Variants in CADPS2 observed in about 807,000 individuals in gnomAD.
The protein encoded by CADPS2 is calcium dependent secretion activator 2.
Under a neutral mutation model 172.5 loss-of-function variants are expected in CADPS2, and 93 were observed. That is an observed-to-expected ratio of 0.54 (90% CI 0.46 to 0.64). CADPS2 has a LOEUF of 0.64. Among genes scored for constraint, CADPS2 ranks in the 30% least tolerant of loss-of-function variants. CADPS2 has a pLI of 0.00. For missense variants in CADPS2, 1,420 were observed against 1,565.9 expected (o/e 0.91, Z 1.57); for synonymous variants, 546 against 555.2 (o/e 0.98, Z 0.23).
intron 22 of CADPS2, among the ~76,000 whole-genome samples, chr7:122,389,021 C>T (rs2044041005): frequency 6.6e-6 from 1 of 151,990 alleles, no homozygotes; most frequent in South Asian, 2.1e-4. Context: ...ATATTGTGTA[C>T]ATAAGAACAA....
At chr7:122,821,481 T>C (rs969632588) in intron 1 of CADPS2, among the ~76,000 whole-genome samples, 16 of 152,196 alleles carry the variant, frequency 1.1e-4, no homozygotes, top group Non-Finnish European at 2.2e-4. Context: ...AAATTAGCTT[T>C]ACTCAACATG....
At chr7:122,760,569 A>G (rs2093343642) in intron 1 of CADPS2, among the ~76,000 whole-genome samples, 1 of 152,076 alleles carries the variant, frequency 6.6e-6, no homozygotes, top group Non-Finnish European at 1.5e-5. Flanking sequence ...TTAATACCAA[A>G]GAATCCTTGA....
At chr7:122,665,999 T>C (rs2081154164) in intron 2 of CADPS2, among the ~76,000 whole-genome samples, 1 of 152,092 alleles carries the variant, frequency 6.6e-6, no homozygotes, top group Admixed American at 6.6e-5. Flanking sequence ...CAAGAGCTAC[T>C]TCAGAACTCA....
rs569921940 is a variant in CADPS2, at chr7:122,586,866, T to C, written c.1224-5576A>G. Among the ~76,000 whole-genome samples the C allele has an allele frequency of 4.6e-5, 7 of 152,128 alleles. 1 individual carries two copies. The highest frequency in any genetic ancestry group is 1.7e-4 in the African/African-American group (7 of 41,544). ...GAAAGTTATGGTTAAACTCTAATCA[T>C]TTTTCAAATGATTTCATTTCCAATA... On this transcript the variant is annotated intron_variant, in intron 6 of 29. Transcript: ENST00000449022.
intron 22 of CADPS2, among the ~76,000 whole-genome samples, chr7:122,389,223 A>G (rs1431456152): frequency 6.6e-6 from 1 of 152,038 alleles, no homozygotes; most frequent in African/African-American, 2.4e-5. Context: ...GAATTTCTCA[A>G]TTACAGGTAA....
chr7:122,842,295 G>A (rs1363152958), intron 1 of CADPS2, among the ~76,000 whole-genome samples: 1 of 152,182 alleles, frequency 6.6e-6, no homozygotes, highest in Non-Finnish European at 1.5e-5. Context: ...CAGGACGGAG[G>A]AGGGTGGAAA....
intron 1 of CADPS2, among the ~76,000 whole-genome samples, chr7:122,858,660 T>C (rs932714999): frequency 6.6e-6 from 1 of 152,188 alleles, no homozygotes; most frequent in Non-Finnish European, 1.5e-5. Context: ...TCTCAGAACC[T>C]GATAAAAGCA....
rs2048716031 is a variant in CADPS2 at position 122,423,012 on chromosome 7, CT to C, written c.2477-6849del. Among the ~76,000 whole-genome samples the C allele has an allele frequency of 2.6e-5, 4 of 152,198 alleles. No homozygotes were observed. The South Asian group carries it at 8.3e-4, about 32-fold the overall frequency. ...TAAATAAACCATAAGTCCCTTTAGTCTACCTTAGCTAGCCAGGGAATTTCTA... is the reference window on the plus strand; with the variant it reads ...TAAATAAACCATAAGTCCCTTTAGTCACCTTAGCTAGCCAGGGAATTTCTA... On this transcript the variant is annotated intron_variant, in intron 17 of 29. Coordinates refer to ENST00000449022, the MANE Select transcript of CADPS2 (RefSeq NM_017954.11).
chr7:122,734,356 T>TTAAAA (rs2091942285), intron 2 of CADPS2, among the ~76,000 whole-genome samples: 2 of 46,294 alleles, frequency 4.3e-5, no homozygotes, highest in Non-Finnish European at 7.3e-5. Context: ...CCAGAAATAG[T>TTAAAA]AAAAAAAAAA....
intron 17 of CADPS2, among the ~76,000 whole-genome samples, chr7:122,436,891 C>A (rs183845105): frequency 4.6e-5 from 7 of 152,092 alleles, no homozygotes; most frequent in East Asian, 3.9e-4. Flanking sequence ...TTTTCTGTAT[C>A]CGTGGACAAG....
intron 1 of CADPS2, among the ~76,000 whole-genome samples, chr7:122,799,977 AG>A (rs1797253361): frequency 6.6e-6 from 1 of 152,232 alleles, no homozygotes; most frequent in Admixed American, 6.5e-5. Flanking sequence ...GCAGCTCTTC[AG>A]AAAAAAAGAT....
At chr7:122,509,926 G>A (rs2059897640) in intron 9 of CADPS2, among the ~76,000 whole-genome samples, 1 of 152,046 alleles carries the variant, frequency 6.6e-6, no homozygotes, top group Admixed American at 6.6e-5. Context: ...GTTAATTGGG[G>A]AGTGCTTCAG....
chr7:122,799,031 C>T (rs957626902), intron 1 of CADPS2, among the ~76,000 whole-genome samples: 3 of 151,926 alleles, frequency 2.0e-5, no homozygotes, highest in African/African-American at 7.3e-5. Context: ...GTCTTCCAAT[C>T]GTAAAAATGC....
chr7:122,717,977 A>T (rs1011880907), intron 2 of CADPS2, among the ~76,000 whole-genome samples: 44 of 87,220 alleles, frequency 5.0e-4, no homozygotes, highest in African/African-American at 1.7e-3. Context: ...CACTCGGCTA[A>T]TTTTTTTTTT....
At chr7:122,494,964 G>T (rs1308355845) in intron 9 of CADPS2, among the ~76,000 whole-genome samples, 6 of 151,856 alleles carry the variant, frequency 4.0e-5, no homozygotes, top group Admixed American at 1.3e-4. Context: ...GTGTTTTTGG[G>T]GGTAAGGGTT....
chr7:122,760,113 G>A (rs1427087300), intron 1 of CADPS2, among the ~76,000 whole-genome samples: 1 of 151,090 alleles, frequency 6.6e-6, no homozygotes, highest in African/African-American at 2.4e-5. Context: ...CATACACATA[G>A]GCATACATAG....
At chr7:122,327,971 A>C (rs11762897) in intron 28 of CADPS2, among the ~76,000 whole-genome samples, 1 of 151,778 alleles carries the variant, frequency 6.6e-6, no homozygotes. Context: ...AAGAACGTAT[A>C]TTTTGGCTCC....
chr7:122,678,765 C>T (rs2135743219), intron 2 of CADPS2, among the ~76,000 whole-genome samples: 1 of 152,196 alleles, frequency 6.6e-6, no homozygotes, highest in Admixed American at 6.5e-5. Context: ...TGACCTCTGG[C>T]CATAGGACTA....
At chr7:122,634,896 AT>A (rs1219359240) in intron 3 of CADPS2, among the ~76,000 whole-genome samples, 1 of 152,098 alleles carries the variant, frequency 6.6e-6, no homozygotes, top group Non-Finnish European at 1.5e-5. Context: ...TTCTGTCTTA[AT>A]TTCATTGCTC....
Sources: allele counts gnomAD v4.1 joint callset (sites outside exome capture counted in the v4.1 genomes callset), GRCh38; gene constraint gnomAD v4.1.1; transcripts MANE v1.5; gene names NCBI Gene and HGNC (gene_info 2026-07-23, HGNC 2026-07-21).